The following XKR6 variants were observed in gnomAD, a reference collection of about 807,000 sequenced individuals.
The protein encoded by XKR6 is XK related 6.
XKR6 carries 22 observed loss-of-function variants against 56.7 expected under a neutral mutation model. That is an observed-to-expected ratio of 0.39 (90% confidence interval 0.28 to 0.55). The LOEUF (loss-of-function observed/expected upper bound fraction) is 0.55. Ranked by LOEUF, XKR6 falls within the 20% of genes least tolerant of loss-of-function variation. The probability of loss-of-function intolerance (pLI) is 0.66; values close to 1 mark genes in which losing one functional copy is unlikely to be tolerated. For synonymous variants in XKR6, 524 were observed against 387.8 expected, an observed-to-expected ratio of 1.35 and a Z score of -4.13; for missense variants, 852 against 889.0, an observed-to-expected ratio of 0.96 and a Z score of 0.53.
chr8:10,922,370 G>C (rs917481889), intron 2 of XKR6, among the ~76,000 whole-genome samples: 4 of 152,208 alleles, frequency 2.6e-5, no homozygotes, highest in Non-Finnish European at 5.9e-5. Context: ...GTTGGATATG[G>C]AGGCCTCACC....
chr8:11,106,035 A>G (rs966811918), intron 1 of XKR6: 4 of 152,248 alleles, frequency 2.6e-5, no homozygotes, highest in African/African-American at 7.2e-5. Flanking sequence ...ATCCTTTTAC[A>G]CAAAACACAT....
chr8:11,150,100 G>A (rs1166869469), intron 1 of XKR6, among the ~76,000 whole-genome samples: 1 of 152,166 alleles, frequency 6.6e-6, no homozygotes, highest in African/African-American at 2.4e-5. Context: ...CTGGTCAATG[G>A]ATGAAGACAG....
chr8:10,969,809 G>A (rs917870400), intron 1 of XKR6, among the ~76,000 whole-genome samples: 4 of 152,246 alleles, frequency 2.6e-5, no homozygotes, highest in African/African-American at 9.6e-5. Context: ...GATGTCCCAA[G>A]AGAGCTTCCT....
intron 1 of XKR6, among the ~76,000 whole-genome samples, chr8:11,150,466 C>T (rs936521498): frequency 1.3e-5 from 2 of 152,186 alleles, no homozygotes; most frequent in Non-Finnish European, 1.5e-5. Context: ...CCCTTCCCCC[C>T]GGGGTTCTGG....
At chr8:10,905,433 T>C (rs1270230427) in intron 2 of XKR6, among the ~76,000 whole-genome samples, 1 of 152,194 alleles carries the variant, frequency 6.6e-6, no homozygotes, top group Non-Finnish European at 1.5e-5. Context: ...AGCCTTTTCC[T>C]GCCAGGTTTC....
intron 1 of XKR6, among the ~76,000 whole-genome samples, chr8:10,997,288 G>A (rs1356578775): frequency 6.6e-6 from 1 of 152,140 alleles, no homozygotes; most frequent in Non-Finnish European, 1.5e-5. Flanking sequence ...CCAAGAACTT[G>A]ACCTGTTTTA....
At chr8:11,057,048 C>G (rs746888123) in intron 1 of XKR6, among the ~76,000 whole-genome samples, 2 of 152,234 alleles carry the variant, frequency 1.3e-5, no homozygotes, top group Admixed American at 6.5e-5. Context: ...AGCCATGTCA[C>G]CATCTTGAAG....
At chr8:10,972,267 C>T (rs911024617) in intron 1 of XKR6, among the ~76,000 whole-genome samples, 6 of 152,178 alleles carry the variant, frequency 3.9e-5, no homozygotes, top group African/African-American at 1.2e-4. Context: ...ACATGAAATT[C>T]GGGGTTTGAT....
chr8:11,018,588 T>C (rs1050558394), intron 1 of XKR6, among the ~76,000 whole-genome samples: 3 of 152,200 alleles, frequency 2.0e-5, no homozygotes, highest in African/African-American at 7.2e-5. Context: ...AAACTACAGG[T>C]AATACCAAGA....
At chr8:11,044,192 G>A (rs1264031314) in intron 1 of XKR6, among the ~76,000 whole-genome samples, 2 of 152,180 alleles carry the variant, frequency 1.3e-5, no homozygotes, top group Admixed American at 6.5e-5. Context: ...GGGCCTTCAT[G>A]TCCTTGCCTC....
intron 1 of XKR6, among the ~76,000 whole-genome samples, chr8:11,031,318 C>T (rs1194264957): frequency 1.3e-5 from 2 of 152,230 alleles, no homozygotes; most frequent in African/African-American, 4.8e-5. Flanking sequence ...TCAGCTGCAC[C>T]CTTGCCTTGG....
At chr8:11,013,948 C>T (rs954850330) in intron 1 of XKR6, among the ~76,000 whole-genome samples, 3 of 152,190 alleles carry the variant, frequency 2.0e-5, no homozygotes, top group Admixed American at 6.5e-5. Context: ...CAGGACAGAC[C>T]CAAATCCATT....
intron 2 of XKR6, among the ~76,000 whole-genome samples, chr8:10,922,019 C>T (rs1800738431): frequency 6.6e-6 from 1 of 152,240 alleles, no homozygotes. Context: ...CTAGCTTGTC[C>T]TTCTGCCCTC....
chr8:10,963,372 G>A (rs1371762540), intron 1 of XKR6, among the ~76,000 whole-genome samples: 2 of 152,170 alleles, frequency 1.3e-5, no homozygotes, highest in East Asian at 3.9e-4. Context: ...CCCCTTATCT[G>A]CTGTACTTTT....
chr8:11,060,812 A>C (rs79509506), intron 1 of XKR6, among the ~76,000 whole-genome samples: 3,521 of 152,336 alleles, frequency 0.023, 131 homozygotes, highest in African/African-American at 0.079. Flanking sequence ...GCAGAGAACA[A>C]GTCTCGTAGA....
intron 1 of XKR6, among the ~76,000 whole-genome samples, chr8:11,135,179 ACCAACAAGCCTG>A (rs1800324157): frequency 1.3e-5 from 2 of 151,904 alleles, no homozygotes; most frequent in Admixed American, 1.3e-4. Context: ...ACAGGCGCCC[ACCAACAAGCCTG>A]GCTAATTTTT....
At chr8:11,067,439 C>A (rs1249125921) in intron 1 of XKR6, among the ~76,000 whole-genome samples, 1 of 152,230 alleles carries the variant, frequency 6.6e-6, no homozygotes, top group African/African-American at 2.4e-5. Flanking sequence ...AAGGGTTGAA[C>A]TGGACCATCC....
intron 1 of XKR6, among the ~76,000 whole-genome samples, chr8:11,020,847 A>G (rs11250110): frequency 0.18 from 27,848 of 152,166 alleles, 2,688 homozygotes; most frequent in Middle Eastern, 0.22. Context: ...AGTTTCATCC[A>G]CTGTAAAATG....
In XKR6 at chr8:11,195,806, G is replaced by A. The variant is rs540922012; in HGVS notation, c.764+4770C>T. On this transcript the variant is annotated intron_variant, in intron 1 of 2. Coordinates refer to ENST00000416569, the MANE Select transcript of XKR6 (RefSeq NM_173683.4). ...TGGGACTACAGGCGCCCGCCACCACGCCCGGCTAATTTTTTTTTGTATTTT... is the reference window on the plus strand; with the variant it reads ...TGGGACTACAGGCGCCCGCCACCACACCCGGCTAATTTTTTTTTGTATTTT... Among the ~76,000 whole-genome samples, 37 of 151,576 alleles carry A rather than the reference G, an allele frequency of 2.4e-4. No homozygotes were observed. The South Asian group carries it at 5.6e-3, about 23-fold the overall frequency.
Sources: allele counts gnomAD v4.1 joint callset (sites outside exome capture counted in the v4.1 genomes callset), GRCh38; gene constraint gnomAD v4.1.1; transcripts MANE v1.5; gene names NCBI Gene and HGNC (gene_info 2026-07-23, HGNC 2026-07-21).